The following NLRP11 variants were observed in gnomAD, a reference collection of about 807,000 sequenced individuals.
The protein encoded by NLRP11 is NACHT, LRR and PYD domains-containing protein 11.
Under a neutral mutation model 79.3 loss-of-function variants are expected in NLRP11, and 53 were observed. That is an observed-to-expected ratio of 0.67 (90% CI 0.54 to 0.84). The LOEUF (loss-of-function observed/expected upper bound fraction) is 0.84, where lower values mean the gene tolerates loss of function less well. Ranked by LOEUF, NLRP11 falls within the 40% of genes least tolerant of loss-of-function variation. NLRP11 has a pLI of 0.00. For synonymous variants in NLRP11, 518 were observed against 462.6 expected (o/e 1.12, Z -1.54); for missense variants, 1,264 against 1,255.0 (o/e 1.01, Z -0.11).
chr19:55,822,705 T>G (rs1437380435), intron 1 of NLRP11, among the ~76,000 whole-genome samples: 1 of 152,150 alleles, frequency 6.6e-6, no homozygotes, highest in East Asian at 1.9e-4. Flanking sequence ...CTTTTCTGAC[T>G]GGCTTAAAAA....
chr19:55,789,222 C>T lies in NLRP11; in HGVS notation c.2684+7G>A, dbSNP rs576092852. The stretch of plus-strand genomic sequence containing the variant: ...AAGGCAGGGATCTTTCTCCACCAGG[C>T]ACCTACCCAATATTCACCAACATGC... On this transcript the variant is annotated splice_region_variant and intron_variant, in intron 8 of 9. Transcript: ENST00000589093. 38 of 1,604,100 alleles carry T rather than the reference C, an allele frequency of 2.4e-5. No homozygotes were observed. In the South Asian group the frequency reaches 4.3e-4, roughly 18 times the overall value.
intron 8 of NLRP11, 87 bp downstream of exon 8, chr19:55,789,142 T>TA: frequency 7.1e-7 from 1 of 1,416,144 alleles, no homozygotes; most frequent in South Asian, 1.3e-5. Context: ...ATGTCCGAGG[T>TA]ATTGTATTTC....
chr19:55,823,010 C>A (rs577858805), intron 1 of NLRP11, among the ~76,000 whole-genome samples: 2 of 151,042 alleles, frequency 1.3e-5, no homozygotes, highest in Non-Finnish European at 2.9e-5. Flanking sequence ...CTTAAATGTC[C>A]CTGTCTGACA....
exon 10 of NLRP11, chr19:55,785,692 A>T: frequency 6.2e-7 from 1 of 1,613,926 alleles, no homozygotes. Flanking sequence ...AAATTTGAAA[A>T]ACATGTAATC....
In NLRP11 at chr19:55,809,629, A is replaced by C; in HGVS notation, c.981T>G (p.His327Gln). 6.2e-7 allele frequency: 1 copy of C among 1,614,200 alleles called. No homozygotes were observed. The highest frequency in any genetic ancestry group is 1.1e-5 in the South Asian group (1 of 91,076). Reference sequence around the variant, plus strand: ...ACAGACCCACGAGTATTTCATCCTCATGTACAAGCTGGAGGGCTGCCGACG... The same window carrying C: ...ACAGACCCACGAGTATTTCATCCTCCTGTACAAGCTGGAGGGCTGCCGACG... Residue 327 changes from histidine (H) to glutamine (Q), a missense_variant, in exon 3 of 10, where the codon CAT becomes CAG. Coordinates refer to ENST00000589093, the Ensembl canonical transcript of NLRP11. The surrounding 1 kb of genome is among the most constrained non-coding windows in gnomAD (Gnocchi z 4.5).
upstream of NLRP11, among the ~76,000 whole-genome samples, chr19:55,832,315 G>A (rs781221106): frequency 2.6e-5 from 4 of 152,132 alleles, no homozygotes; most frequent in Non-Finnish European, 4.4e-5. Flanking sequence ...TCTCAATTTC[G>A]GATAACCATC....
chr19:55,792,237 C>A lies in NLRP11; in HGVS notation c.2513+64G>T, dbSNP rs185930711. 5,487 of 1,440,690 alleles carry A rather than the reference C, an allele frequency of 3.8e-3. 31 individuals are homozygous for A. Among genetic ancestry groups the A allele is most frequent in the Non-Finnish European group, 4.0e-3 (4,126 of 1,033,276 alleles). 89.2% of individuals were successfully genotyped at this position (1,440,690 alleles called of 1,614,324 possible). ...ACTGGAATCTTATCCCTGCCACCAA[C>A]CCCACCACCCAAGCCCTCATGCAGT... On this transcript the variant is annotated intron_variant, in intron 7 of 9. Transcript: ENST00000589093.
At chr19:55,799,563 G>C (rs1284385396) in intron 5 of NLRP11, among the ~76,000 whole-genome samples, 3 of 152,160 alleles carry the variant, frequency 2.0e-5, no homozygotes, top group Non-Finnish European at 4.4e-5. Context: ...TTTGGGGAGG[G>C]GGGCATTGAG....
At chr19:55,786,216 A>G (rs1989871426) in intron 9 of NLRP11, among the ~76,000 whole-genome samples, 1 of 152,218 alleles carries the variant, frequency 6.6e-6, no homozygotes, top group Non-Finnish European at 1.5e-5. Context: ...TGAGGGTCAA[A>G]GTTTCCAACT....
At chr19:55,814,475 C>T (rs991376363) in intron 2 of NLRP11, among the ~76,000 whole-genome samples, 1 of 152,066 alleles carries the variant, frequency 6.6e-6, no homozygotes, top group Non-Finnish European at 1.5e-5. Flanking sequence ...GGTGCGGGAC[C>T]ACTGCTTTAC....
intron 4 of NLRP11, among the ~76,000 whole-genome samples, chr19:55,804,191 G>A (rs908920363): frequency 2.6e-5 from 4 of 152,154 alleles, no homozygotes; most frequent in African/African-American, 7.2e-5. Context: ...CGACCATTGC[G>A]GAAAGCAGTG....
chr19:55,803,418 G>A (rs1417329601), intron 4 of NLRP11, among the ~76,000 whole-genome samples: 3 of 152,152 alleles, frequency 2.0e-5, no homozygotes, highest in African/African-American at 4.8e-5. Flanking sequence ...ATTTCATCAT[G>A]AAGATACCAA....
chr19:55,796,955 C>T (rs1417022341), intron 5 of NLRP11, among the ~76,000 whole-genome samples: 1 of 152,146 alleles, frequency 6.6e-6, no homozygotes, highest in East Asian at 1.9e-4. Flanking sequence ...TCCCAAAGTG[C>T]TGCGATTACA....
At chr19:55,812,762 G>A (rs561361004) in intron 2 of NLRP11, among the ~76,000 whole-genome samples, 2 of 152,208 alleles carry the variant, frequency 1.3e-5, no homozygotes, top group Admixed American at 1.3e-4. Context: ...GGTCAGAAAA[G>A]CCTGTCAAGG....
chr19:55,789,002 G>A (rs751316008), intron 8 of NLRP11, 25 bp from the exon 9 acceptor site: 7 of 1,612,830 alleles, frequency 4.3e-6, no homozygotes, highest in Admixed American at 3.3e-5. Flanking sequence ...CACAGGTAAG[G>A]TGGGGCCAAA....
intron 1 of NLRP11, among the ~76,000 whole-genome samples, chr19:55,821,201 T>TCACA (rs1425868256): frequency 5.3e-4 from 47 of 89,408 alleles, no homozygotes; most frequent in African/African-American, 7.7e-4. Flanking sequence ...TCTCTCTCTC[T>TCACA]CTCTCACACA....
chr19:55,822,330 T>A lies in NLRP11; in HGVS notation c.-62-4094A>T, dbSNP rs117731370. Among the ~76,000 whole-genome samples, 28 of 152,366 alleles carry A rather than the reference T, an allele frequency of 1.8e-4. No homozygotes were observed. In the East Asian group the frequency reaches 3.5e-3, roughly 19 times the overall value. ...TCTCTTCTCTCTCACCCTAAAATGA[T>A]ATCTTTACGTCATGACTGAAGATGT... On this transcript the variant is annotated intron_variant, in intron 1 of 9. Coordinates refer to ENST00000589093, the Ensembl canonical transcript of NLRP11.
chr19:55,819,693 A>G (rs1397562763), intron 1 of NLRP11, among the ~76,000 whole-genome samples: 4 of 152,214 alleles, frequency 2.6e-5, no homozygotes, highest in Admixed American at 6.5e-5. Context: ...AATGGCAGGT[A>G]TCTGCTTGAG....
chr19:55,801,724 C>G (rs1233232122), exon 5 of NLRP11: 3 of 1,614,076 alleles, frequency 1.9e-6, no homozygotes, highest in Non-Finnish European at 2.5e-6. Flanking sequence ...CAGAAGCAGT[C>G]GAGACATAGG....
Sources: allele counts gnomAD v4.1 joint callset (sites outside exome capture counted in the v4.1 genomes callset), GRCh38; gene constraint gnomAD v4.1.1; non-coding constraint Gnocchi (gnomAD v3.1); transcripts MANE v1.5; gene names NCBI Gene and HGNC (gene_info 2026-07-23, HGNC 2026-07-21).